Variants in SERPINC1 observed in about 807,000 individuals in gnomAD.
SERPINC1 encodes antithrombin-III.
SERPINC1 carries 12 observed loss-of-function variants against 43.4 expected under a neutral mutation model. That is an observed-to-expected ratio of 0.28 (90% CI 0.18 to 0.45). The LOEUF (loss-of-function observed/expected upper bound fraction) is 0.45, where lower values mean the gene tolerates loss of function less well. Ranked by LOEUF, SERPINC1 falls within the 20% of genes least tolerant of loss-of-function variation. The probability of loss-of-function intolerance (pLI) is 1.00; values close to 1 mark genes in which losing one functional copy is unlikely to be tolerated. For missense variants in SERPINC1, 423 were observed against 578.8 expected, an observed-to-expected ratio of 0.73 and a Z score of 2.76; for synonymous variants, 210 against 218.9, an observed-to-expected ratio of 0.96 and a Z score of 0.36.
intron 1 of SERPINC1, among the ~76,000 whole-genome samples, chr1:173,916,759 A>C (rs1455920349): frequency 6.6e-6 from 1 of 152,160 alleles, no homozygotes; most frequent in Non-Finnish European, 1.5e-5. Flanking sequence ...ATTGTGAGAA[A>C]AGGAAGCAGT....
chr1:173,904,137 A>C lies in SERPINC1; in HGVS notation c.1219-72T>G, dbSNP rs537225629. ...CATTTTTGGCAGGTAAATCATCCAC[A>C]GACACAGCAATTCCTCAAATGCTTT... On this transcript the variant is annotated intron_variant, in intron 6 of 6. Transcript: ENST00000367698. The C allele has an allele frequency of 2.6e-5, 36 of 1,406,954 alleles. No homozygotes were observed. In the African/African-American group the frequency reaches 4.6e-4, roughly 18 times the overall value. 87.2% of individuals were successfully genotyped at this position (1,406,954 alleles called of 1,614,324 possible).
At chr1:173,913,478 C>T in intron 2 of SERPINC1, among the ~76,000 whole-genome samples, 1 of 152,264 alleles carries the variant, frequency 6.6e-6, no homozygotes, top group Non-Finnish European at 1.5e-5. Context: ...CCCCTGGTCT[C>T]AATATACCAT....
intron 5 of SERPINC1, among the ~76,000 whole-genome samples, 185 bp from the exon 6 acceptor site, chr1:173,907,699 G>A: frequency 6.6e-6 from 1 of 152,204 alleles, no homozygotes; most frequent in Non-Finnish European, 1.5e-5. Flanking sequence ...TACTTTGGGG[G>A]CTGGGTGCAG....
chr1:173,904,651 A>G (rs1657412782), intron 6 of SERPINC1, among the ~76,000 whole-genome samples: 3 of 152,200 alleles, frequency 2.0e-5, no homozygotes, highest in African/African-American at 7.2e-5. Context: ...AGGACCCAGA[A>G]TATCACTAAA....
chr1:173,907,549 G>C (rs764115074), intron 5 of SERPINC1, 35 bp from the exon 6 acceptor site: 1 of 1,549,240 alleles, frequency 6.5e-7, no homozygotes, highest in South Asian at 1.1e-5. Context: ...TTGTGAGATG[G>C]GAGAAAGTTG....
intron 5 of SERPINC1, among the ~76,000 whole-genome samples, chr1:173,908,559 A>T (rs1360665324): frequency 4.1e-5 from 6 of 147,576 alleles, no homozygotes; most frequent in Non-Finnish European, 9.0e-5. Flanking sequence ...AACTTATTTT[A>T]TTATTTATTT....
At chr1:173,915,242 A>T (rs1427349599) in intron 1 of SERPINC1, 12 of 1,201,940 alleles carry the variant, frequency 1.0e-5, no homozygotes, top group Non-Finnish European at 1.1e-5. Context: ...GTGCATGCCT[A>T]AAAAATCGGC....
In SERPINC1 at chr1:173,912,018, T is replaced by C. The variant is rs1229713679; in HGVS notation, c.409-4A>G. 6.2e-7 allele frequency: 1 copy of C among 1,610,264 alleles called. No homozygotes were observed. Among genetic ancestry groups the C allele is most frequent in the Non-Finnish European group, 8.5e-7 (1 of 1,176,570 alleles). ...ATATGGTGTCAAACTTAAATACCTA[T>C]AGAAGTCAAAAAAAAATGGTGGTGG... On this transcript the variant is annotated splice_region_variant and splice_polypyrimidine_tract_variant and intron_variant, in intron 2 of 6. Coordinates refer to ENST00000367698, the MANE Select transcript of SERPINC1 (RefSeq NM_000488.4).
intron 3 of SERPINC1, 51 bp from the exon 4 acceptor site, chr1:173,910,942 CT>C (rs1333222541): frequency 2.5e-6 from 4 of 1,597,174 alleles, no homozygotes; most frequent in Non-Finnish European, 3.4e-6. Context: ...CAATTGGCTT[CT>C]CCATTTTCCC....
chr1:173,910,442 A>G (rs1194776571), intron 4 of SERPINC1, among the ~76,000 whole-genome samples: 4 of 152,008 alleles, frequency 2.6e-5, no homozygotes, highest in Non-Finnish European at 5.9e-5. Context: ...TTAGCCAGGC[A>G]TGGTGGTGGG....
chr1:173,904,096 T>C, intron 6 of SERPINC1, 31 bp from the exon 7 acceptor site: 1 of 1,606,200 alleles, frequency 6.2e-7, no homozygotes, highest in Non-Finnish European at 8.5e-7. Context: ...AAAACTAAAT[T>C]AGCCACTCTG....
rs78983780 is a variant in SERPINC1 at position 173,911,641 on chromosome 1, C to G, written c.624+158G>C. Among the ~76,000 whole-genome samples the G allele has an allele frequency of 1.7e-3, 255 of 152,334 alleles. 1 individual carries two copies. The East Asian group carries it at 0.028, about 16-fold the overall frequency. On this transcript the variant is annotated intron_variant, in intron 3 of 6. Coordinates refer to ENST00000367698, the MANE Select transcript of SERPINC1 (RefSeq NM_000488.4). The stretch of plus-strand genomic sequence containing the variant: ...TGGATACCTTTGATTTCTCAGGTTT[C>G]AAGTAAGAATAACTATTGCAGGGGT...
chr1:173,905,485 C>T (rs145355044), intron 6 of SERPINC1, among the ~76,000 whole-genome samples: 93 of 152,110 alleles, frequency 6.1e-4, no homozygotes, highest in African/African-American at 2.1e-3. Context: ...TTTGGGAGGC[C>T]GAGTCAGGTG....
At chr1:173,915,354 A>G (rs1030224064) in intron 1 of SERPINC1, among the ~76,000 whole-genome samples, 1 of 152,210 alleles carries the variant, frequency 6.6e-6, no homozygotes, top group African/African-American at 2.4e-5. Context: ...CAGCAACACA[A>G]GAGAAGTAAG....
At chr1:173,907,139 C>T (rs1193338964) in intron 6 of SERPINC1, among the ~76,000 whole-genome samples, 2 of 151,976 alleles carry the variant, frequency 1.3e-5, no homozygotes, top group Non-Finnish European at 2.9e-5. Context: ...AAAATTCTCC[C>T]TGGGTTTCTG....
chr1:173,913,930 T>G (rs1657878959), intron 2 of SERPINC1, among the ~76,000 whole-genome samples: 3 of 151,922 alleles, frequency 2.0e-5, no homozygotes. Context: ...ATATAGAAAT[T>G]AGCTGGGCGT....
At chr1:173,917,076 G>A (rs1658022637) in intron 1 of SERPINC1, 143 bp downstream of exon 1, 1 of 751,800 alleles carries the variant, frequency 1.3e-6, no homozygotes, top group South Asian at 1.5e-5. Context: ...CACTTGAAAT[G>A]ACGTCTTCCA....
At chr1:173,912,084 G>T in intron 2 of SERPINC1, 70 bp from the exon 3 acceptor site, 1 of 1,112,670 alleles carries the variant, frequency 9.0e-7, no homozygotes, top group Non-Finnish European at 1.4e-6. Context: ...GTGAGCACAT[G>T]CTGGTCAGTC....
chr1:173,910,047 A>G (rs1657703010), intron 4 of SERPINC1, 105 bp from the exon 5 acceptor site: 2 of 1,152,988 alleles, frequency 1.7e-6, no homozygotes, highest in Non-Finnish European at 2.5e-6. Context: ...AATTATTCGG[A>G]AAAAAGACTG....
Sources: allele counts gnomAD v4.1 joint callset (sites outside exome capture counted in the v4.1 genomes callset), GRCh38; gene constraint gnomAD v4.1.1; transcripts MANE v1.5; gene names NCBI Gene and HGNC (gene_info 2026-07-23, HGNC 2026-07-21).